The following RBFOX1 variants were observed in gnomAD, a reference collection of about 807,000 sequenced individuals.
RBFOX1 encodes the protein RNA binding protein fox-1 homolog 1.
RBFOX1 carries 8 observed loss-of-function variants against 57.7 expected under a neutral mutation model. The observed-to-expected ratio is 0.14, with a 90% CI of 0.08 to 0.25. The LOEUF (loss-of-function observed/expected upper bound fraction) is 0.25, where lower values mean the gene tolerates loss of function less well. RBFOX1 is among the 10% of genes least tolerant of loss of function. RBFOX1 has a pLI of 1.00. For synonymous variants in RBFOX1, 326 were observed against 222.4 expected, an observed-to-expected ratio of 1.47 and a Z score of -4.15; for missense variants, 611 against 548.5, an observed-to-expected ratio of 1.11 and a Z score of -1.14.
chr16:6,090,131 A>C (rs2096150039), intron 1 of RBFOX1: 1 of 152,164 alleles, frequency 6.6e-6, no homozygotes, highest in Non-Finnish European at 1.5e-5. Context: ...CTTCAAAGCC[A>C]GCATTGGTGA....
In RBFOX1 at chr16:7,595,577, G is replaced by A; in HGVS notation, c.497G>A (p.Ser166Asn). The change falls in exon 8 of 16, where the codon AGT (serine) becomes AAT (asparagine). Residue 166 changes from serine to asparagine, a missense_variant. Physicochemically the swap from Ser to Asn is conservative, Grantham distance 46. This residue lies in a region of RBFOX1 where 99 missense variants were observed against 160.3 expected (regional missense o/e 0.62). Transcript: ENST00000550418. ...TTTGGTTTCGTAACTTTCGAAAATA[G>A]TGCCGATGCGGACAGGGCGAGGGAG... The part of the protein sequence containing the change: ...KGFGFVTFEN[S>N]ADADRAREKL... 1 of 1,561,510 alleles carries A rather than the reference G, an allele frequency of 6.4e-7. No homozygotes were observed. Among genetic ancestry groups the A allele is most frequent in the South Asian group, 1.2e-5 (1 of 81,232 alleles).
intron 1 of RBFOX1, among the ~76,000 whole-genome samples, chr16:5,273,096 C>T (rs1232543291): frequency 2.0e-5 from 3 of 152,160 alleles, no homozygotes; most frequent in Non-Finnish European, 2.9e-5. Flanking sequence ...GAAACTCGTT[C>T]TCTTTAAGAG....
chr16:7,686,556 T>C (rs7206408), intron 14 of RBFOX1, among the ~76,000 whole-genome samples: 62,295 of 151,700 alleles, frequency 0.41, 12,918 homozygotes, highest in East Asian at 0.5. Flanking sequence ...AGACTTTCCT[T>C]TAGGAGTCTA....
At chr16:7,296,365 C>G (rs1427829251) in intron 4 of RBFOX1, among the ~76,000 whole-genome samples, 1 of 148,244 alleles carries the variant, frequency 6.7e-6, no homozygotes, top group East Asian at 2.0e-4. Flanking sequence ...TATGAATGTA[C>G]TACCTTGGCA....
At chr16:7,117,125 G>C (rs1306181880) in intron 4 of RBFOX1, among the ~76,000 whole-genome samples, 3 of 152,152 alleles carry the variant, frequency 2.0e-5, no homozygotes, top group Non-Finnish European at 4.4e-5. Flanking sequence ...AGTTCAGTAG[G>C]GTTGAAGAAA....
intron 2 of RBFOX1, among the ~76,000 whole-genome samples, chr16:5,512,843 G>C (rs935323202): frequency 6.6e-6 from 1 of 152,114 alleles, no homozygotes; most frequent in African/African-American, 2.4e-5. Context: ...TCTGTTTTGG[G>C]ATTGTATCCA....
At chr16:6,490,509 T>C (rs538823538) in intron 2 of RBFOX1, among the ~76,000 whole-genome samples, 6 of 152,300 alleles carry the variant, frequency 3.9e-5, no homozygotes, top group African/African-American at 9.6e-5. Flanking sequence ...AGCTTACCAA[T>C]CTAAATTTGT....
chr16:6,528,883 C>T (rs909636976), intron 2 of RBFOX1, among the ~76,000 whole-genome samples: 3 of 152,146 alleles, frequency 2.0e-5, no homozygotes, highest in Admixed American at 2.0e-4. Flanking sequence ...CAAATGTCTC[C>T]TGGTGGAAGA....
At chr16:7,573,344 G>A (rs182041072) in intron 5 of RBFOX1, among the ~76,000 whole-genome samples, 284 of 152,244 alleles carry the variant, frequency 1.9e-3, no homozygotes, top group African/African-American at 6.6e-3. Context: ...GACCTAGAGA[G>A]CCAATGACGA....
intron 3 of RBFOX1, among the ~76,000 whole-genome samples, chr16:5,695,645 G>A (rs1483485239): frequency 2.0e-5 from 3 of 152,142 alleles, no homozygotes; most frequent in Non-Finnish European, 4.4e-5. Flanking sequence ...GTACCACCAC[G>A]ACGTGGTTTG....
At chr16:7,209,335 CAAAT>C (rs757055558) in intron 4 of RBFOX1, among the ~76,000 whole-genome samples, 77 of 152,042 alleles carry the variant, frequency 5.1e-4, no homozygotes, top group Middle Eastern at 3.4e-3. Flanking sequence ...AACTCTGTTT[CAAAT>C]AAATAAATAA....
chr16:6,672,178 T>A (rs1186056091), intron 3 of RBFOX1, among the ~76,000 whole-genome samples: 1 of 152,240 alleles, frequency 6.6e-6, no homozygotes, highest in Non-Finnish European at 1.5e-5. Flanking sequence ...TTTATTTAGT[T>A]TCTATTTATG....
intron 3 of RBFOX1, among the ~76,000 whole-genome samples, chr16:5,747,730 A>C (rs1486350180): frequency 6.6e-6 from 1 of 152,058 alleles, no homozygotes; most frequent in Non-Finnish European, 1.5e-5. Flanking sequence ...TATCCGCTTT[A>C]TCATTATTTA....
intron 3 of RBFOX1, among the ~76,000 whole-genome samples, chr16:6,923,759 A>G (rs981594088): frequency 1.4e-4 from 22 of 152,132 alleles, no homozygotes; most frequent in African/African-American, 4.6e-4. Flanking sequence ...ATCAAAGCTT[A>G]ATTAATAGTT....
chr16:5,715,073 T>C (rs12922055), intron 3 of RBFOX1, among the ~76,000 whole-genome samples: 120,648 of 152,216 alleles, frequency 0.79, 48,532 homozygotes, highest in Non-Finnish European at 0.85. Context: ...CAGTCTTTTG[T>C]TGACGCAGCC....
chr16:7,040,340 T>C (rs1280694438), intron 3 of RBFOX1, among the ~76,000 whole-genome samples: 1 of 152,110 alleles, frequency 6.6e-6, no homozygotes, highest in African/African-American at 2.4e-5. Flanking sequence ...TAGCCACCAT[T>C]AATCACATAC....
chr16:6,870,729 C>G (rs1292748175), intron 3 of RBFOX1, among the ~76,000 whole-genome samples: 1 of 152,122 alleles, frequency 6.6e-6, no homozygotes, highest in Non-Finnish European at 1.5e-5. Context: ...ATAATTATTT[C>G]ACCACCAAAA....
chr16:6,810,954 G>GT (rs2088385536), intron 3 of RBFOX1, among the ~76,000 whole-genome samples: 1 of 152,130 alleles, frequency 6.6e-6, no homozygotes, highest in Admixed American at 6.5e-5. Context: ...AACCATACAC[G>GT]TAACAGATAT....
intron 1 of RBFOX1, among the ~76,000 whole-genome samples, chr16:6,266,426 C>G (rs996194078): frequency 6.6e-6 from 1 of 152,178 alleles, no homozygotes; most frequent in African/African-American, 2.4e-5. Flanking sequence ...AATCTATTTA[C>G]TAACAGGCCA....
Sources: allele counts gnomAD v4.1 joint callset (sites outside exome capture counted in the v4.1 genomes callset), GRCh38; gene constraint gnomAD v4.1.1; regional missense constraint gnomAD v4.1.1; transcripts MANE v1.5; gene names NCBI Gene and HGNC (gene_info 2026-07-23, HGNC 2026-07-21).